Variants in CHN1 observed in about 807,000 individuals in gnomAD.
CHN1 encodes the protein N-chimaerin.
In CHN1, 37 loss-of-function variants were observed where a neutral mutation model predicts 59.5. The ratio of observed to expected loss-of-function variants is 0.62; its 90% CI spans 0.48 to 0.82. CHN1 has a LOEUF of 0.82. Among genes scored for constraint, CHN1 ranks in the 40% least tolerant of loss-of-function variants. The pLI, the probability that CHN1 is intolerant of heterozygous loss-of-function variation, is 0.00. For synonymous variants in CHN1, 206 were observed against 200.4 expected, an observed-to-expected ratio of 1.03 and a Z score of -0.24; for missense variants, 469 against 571.0, an observed-to-expected ratio of 0.82 and a Z score of 1.82.
chr2:174,920,974 C>T (rs1334606452), intron 3 of CHN1: 4 of 432,084 alleles, frequency 9.3e-6, no homozygotes, highest in South Asian at 1.6e-5. Context: ...AAGGGGCATG[C>T]AACCTAGGTC....
At chr2:174,895,301 A>G (rs1688186831) in intron 5 of CHN1, among the ~76,000 whole-genome samples, 1 of 151,928 alleles carries the variant, frequency 6.6e-6, no homozygotes, top group African/African-American at 2.4e-5. Flanking sequence ...AACACGGATG[A>G]ACCGTGAGGA....
At chr2:174,925,018 A>G (rs1188910525) in intron 3 of CHN1, among the ~76,000 whole-genome samples, 1 of 152,236 alleles carries the variant, frequency 6.6e-6, no homozygotes, top group Non-Finnish European at 1.5e-5. Flanking sequence ...AGGAAAAATG[A>G]GAAGTGAAGA....
chr2:174,951,846 A>T (rs536001476), intron 2 of CHN1, among the ~76,000 whole-genome samples: 1 of 152,308 alleles, frequency 6.6e-6, no homozygotes, highest in East Asian at 1.9e-4. Flanking sequence ...ACCTGAAAAT[A>T]ATTAGACTGT....
At position 174,982,826 on chromosome 2, in the gene CHN1, T is replaced by C. The variant is rs181267578; in HGVS notation, c.19+22068A>G. Reference sequence around the variant, plus strand: ...ATATATCAAGAAATATTGTGTTCTTTTTTTAATTTAAAATTTAAAACATAT... The same window carrying C: ...ATATATCAAGAAATATTGTGTTCTTCTTTTAATTTAAAATTTAAAACATAT... On this transcript the variant is annotated intron_variant, in intron 1 of 12. Transcript: ENST00000409900. Among the ~76,000 whole-genome samples, 499 of 152,328 alleles carry C rather than the reference T, an allele frequency of 3.3e-3. 5 individuals carry two copies. The highest frequency in any genetic ancestry group is 0.011 in the African/African-American group (463 of 41,566).
chr2:174,981,795 AT>A (rs531659079), intron 1 of CHN1, among the ~76,000 whole-genome samples: 119 of 150,624 alleles, frequency 7.9e-4, no homozygotes, highest in Admixed American at 2.0e-3. Context: ...ATACACACGA[AT>A]TTTTTTTTTA....
At chr2:174,993,483 C>T (rs1312445147) in intron 1 of CHN1, among the ~76,000 whole-genome samples, 1 of 151,962 alleles carries the variant, frequency 6.6e-6, no homozygotes, top group Non-Finnish European at 1.5e-5. Flanking sequence ...ATCTGTGGCA[C>T]CGTGGCTGGG....
chr2:174,956,615 T>C (rs1000025600), intron 1 of CHN1, among the ~76,000 whole-genome samples: 2 of 151,254 alleles, frequency 1.3e-5, no homozygotes, highest in Non-Finnish European at 2.9e-5. Context: ...CTACTAAAAA[T>C]ACAATCATTA....
intron 5 of CHN1, among the ~76,000 whole-genome samples, chr2:174,892,692 AT>A (rs1321964463): frequency 1.7e-4 from 26 of 152,224 alleles, no homozygotes; most frequent in Non-Finnish European, 3.8e-4. Context: ...TCCTTGATGA[AT>A]ATTGAAACAG....
At chr2:174,986,803 C>G (rs917843929) in intron 1 of CHN1, among the ~76,000 whole-genome samples, 3 of 152,250 alleles carry the variant, frequency 2.0e-5, no homozygotes, top group Admixed American at 6.5e-5. Flanking sequence ...ATGGCGCGAT[C>G]TGGGCTCAGT....
intron 1 of CHN1, among the ~76,000 whole-genome samples, chr2:175,003,449 T>C (rs183324028): frequency 1.6e-4 from 25 of 152,360 alleles, no homozygotes; most frequent in Admixed American, 1.4e-3. Flanking sequence ...CACCCCAATT[T>C]ATCTTTTTTA....
chr2:174,986,449 T>C (rs1442044034), intron 1 of CHN1, among the ~76,000 whole-genome samples: 2 of 152,168 alleles, frequency 1.3e-5, no homozygotes, highest in African/African-American at 2.4e-5. Flanking sequence ...ATACATAGTA[T>C]GTAAAGACGA....
At chr2:174,812,182 C>T (rs1434811075) in intron 9 of CHN1, 127 bp downstream of exon 9, 4 of 636,354 alleles carry the variant, frequency 6.3e-6, no homozygotes, top group East Asian at 5.8e-5. Flanking sequence ...GATCATTTGA[C>T]ATATGAAACC....
chr2:174,905,933 A>C (rs188353980), intron 5 of CHN1, among the ~76,000 whole-genome samples: 3 of 152,322 alleles, frequency 2.0e-5, no homozygotes, highest in Non-Finnish European at 4.4e-5. Context: ...AGCACTTCAC[A>C]TATACTAGGA....
At chr2:174,902,805 CA>C (rs1297746637) in intron 5 of CHN1, among the ~76,000 whole-genome samples, 2 of 152,154 alleles carry the variant, frequency 1.3e-5, no homozygotes, top group Admixed American at 1.3e-4. Context: ...AACCAATTTT[CA>C]TATTTTAAAA....
intron 2 of CHN1, 37 bp downstream of exon 2, chr2:174,952,127 A>G: frequency 8.1e-7 from 1 of 1,229,124 alleles, no homozygotes; most frequent in Non-Finnish European, 1.1e-6. Context: ...TATTACTTAT[A>G]AAGCACTATA....
chr2:175,005,362 C>T lies in CHN1; in HGVS notation c.-450G>A, dbSNP rs2105480406. ...CATCCCGCGGCCTCGCAGACGCCAT[C>T]TTGCGATAGCGTCTCCCACGAGCTC... On this transcript the variant is annotated 5_prime_UTR_variant, in exon 1 of 13. Transcript: ENST00000409900. 1 of 1,113,242 alleles carries T rather than the reference C, an allele frequency of 9.0e-7. No homozygotes were observed. The highest frequency in any genetic ancestry group is 1.1e-6 in the Non-Finnish European group (1 of 901,336). The allele number at this position is 1,113,242 out of a possible 1,614,324, so 69.0% of individuals were successfully genotyped here. A position where few individuals can be genotyped will look rare whatever the true frequency, so the allele number is the denominator to read the frequency against.
At chr2:174,975,341 A>G (rs2105442957) in intron 1 of CHN1, among the ~76,000 whole-genome samples, 1 of 152,330 alleles carries the variant, frequency 6.6e-6, no homozygotes, top group South Asian at 2.1e-4. Context: ...AAAGAATAGT[A>G]CAAGAAATCA....
chr2:174,940,533 GT>G (rs35144073), intron 3 of CHN1, among the ~76,000 whole-genome samples: 35 of 147,240 alleles, frequency 2.4e-4, no homozygotes, highest in Non-Finnish European at 4.5e-4. Flanking sequence ...TCCCACCACT[GT>G]TTTTTTTTTA....
chr2:174,935,077 A>G (rs1286844524), intron 3 of CHN1, among the ~76,000 whole-genome samples: 1 of 152,206 alleles, frequency 6.6e-6, no homozygotes, highest in East Asian at 1.9e-4. Context: ...AGCTTAGGAC[A>G]TAGAACCCTT....
Sources: allele counts gnomAD v4.1 joint callset (sites outside exome capture counted in the v4.1 genomes callset), GRCh38; gene constraint gnomAD v4.1.1; transcripts MANE v1.5; gene names NCBI Gene and HGNC (gene_info 2026-07-23, HGNC 2026-07-21).